Variants in DYRK1A observed in about 807,000 individuals in gnomAD.
DYRK1A encodes dual specificity tyrosine phosphorylation regulated kinase 1A.
In DYRK1A, 9 loss-of-function variants were observed where a neutral mutation model predicts 79.7. The observed-to-expected ratio is 0.11, with a 90% CI of 0.07 to 0.20. The LOEUF (loss-of-function observed/expected upper bound fraction) is 0.20, where lower values mean the gene tolerates loss of function less well. Ranked by LOEUF, DYRK1A falls within the 10% of genes least tolerant of loss-of-function variation. The pLI, the probability that DYRK1A is intolerant of heterozygous loss-of-function variation, is 1.00. For synonymous variants in DYRK1A, 349 were observed against 329.7 expected (o/e 1.06, Z -0.63); for missense variants, 622 against 956.0 (o/e 0.65, Z 4.61).
chr21:37,499,888 CT>C (rs1299470847), intron 9 of DYRK1A, among the ~76,000 whole-genome samples: 1 of 152,144 alleles, frequency 6.6e-6, no homozygotes, highest in Non-Finnish European at 1.5e-5. Context: ...CCCTCTGTAT[CT>C]GAAGGTTCCA....
intron 6 of DYRK1A, among the ~76,000 whole-genome samples, chr21:37,489,357 A>G (rs1158952741): frequency 1.3e-5 from 2 of 152,160 alleles, no homozygotes; most frequent in African/African-American, 4.8e-5. Flanking sequence ...ATGTGACGTC[A>G]GTGTTAATAG....
chr21:37,409,522 TA>T (rs1043996634), intron 1 of DYRK1A, among the ~76,000 whole-genome samples: 3 of 152,228 alleles, frequency 2.0e-5, no homozygotes, highest in African/African-American at 7.2e-5. Context: ...TGTTGGAGTT[TA>T]AAAAATTGGA....
intron 1 of DYRK1A, among the ~76,000 whole-genome samples, chr21:37,379,515 C>T (rs1427643647): frequency 6.6e-6 from 1 of 152,078 alleles, no homozygotes; most frequent in East Asian, 1.9e-4. Flanking sequence ...TACTGAGGAC[C>T]TGAAGGAACT....
intron 3 of DYRK1A, among the ~76,000 whole-genome samples, chr21:37,475,947 T>A (rs1248206305): frequency 6.6e-6 from 1 of 152,212 alleles, no homozygotes; most frequent in Non-Finnish European, 1.5e-5. Flanking sequence ...AGTTTTTTGA[T>A]GTAACTAATT....
intron 11 of DYRK1A, among the ~76,000 whole-genome samples, chr21:37,506,669 G>T (rs538882011): frequency 2.6e-5 from 4 of 152,236 alleles, no homozygotes; most frequent in Admixed American, 2.6e-4. Flanking sequence ...TAGCCTTTTT[G>T]TTGTTGTTTT....
At chr21:37,372,136 A>G (rs1227075632) in intron 1 of DYRK1A, among the ~76,000 whole-genome samples, 1 of 152,026 alleles carries the variant, frequency 6.6e-6, no homozygotes, top group East Asian at 1.9e-4. Context: ...CTTGGCACCC[A>G]TGTATTTGGG....
In DYRK1A at chr21:37,497,803, T is replaced by G. The variant is rs544353127; in HGVS notation, c.1212+1545T>G. Among the ~76,000 whole-genome samples the G allele has an allele frequency of 1.6e-4, 25 of 152,308 alleles. No individual in the cohort carries two copies. The East Asian group carries it at 4.6e-3, about 28-fold the overall frequency. On this transcript the variant is annotated intron_variant, in intron 9 of 11. Coordinates refer to ENST00000647188, the MANE Select transcript of DYRK1A (RefSeq NM_001347721.2). ...GGGGGCATTTCAGAAATGAGTAGAT[T>G]GTCTTTTCCCTTTTAAAATTGGAAG...
chr21:37,472,812 A>G lies in DYRK1A; in HGVS notation c.139A>G (p.Asn47Asp), dbSNP rs1569354907. Residue 47 changes from asparagine (N) to aspartate (D), a missense_variant, in exon 3 of 12, where the codon AAC (asparagine) becomes GAC (aspartate). Around this residue, in one of 5 missense-constraint regions of DYRK1A, gnomAD observed 91 missense variants for 113.8 expected, o/e 0.80. Coordinates refer to ENST00000647188, the MANE Select transcript of DYRK1A (RefSeq NM_001347721.2). ...TCAGTACAGTGACCGTCGCCAGCCA[A>G]ACATAAGTGACCAACAGGTTTCTGC... ...SHQYSDRRQPNISDQQVSALS... is the reference protein window; with the variant it reads ...SHQYSDRRQPDISDQQVSALS... The G allele has an allele frequency of 6.2e-7, 1 of 1,609,828 alleles. No individual in the cohort carries two copies. Among genetic ancestry groups the G allele is most frequent in the South Asian group, 1.1e-5 (1 of 90,688 alleles).
At chr21:37,463,203 C>CGTGTGTGTGTGT (rs6147501) in intron 2 of DYRK1A, among the ~76,000 whole-genome samples, 17,774 of 145,164 alleles carry the variant, frequency 0.12, 1,138 homozygotes, top group Non-Finnish European at 0.13. Flanking sequence ...AATGTTGGCA[C>CGTGTGTGTGTGT]GTGTGTGTGT....
chr21:37,430,000 C>G (rs1317443183), intron 2 of DYRK1A, among the ~76,000 whole-genome samples: 1 of 152,230 alleles, frequency 6.6e-6, no homozygotes, highest in Non-Finnish European at 1.5e-5. Flanking sequence ...AGTGCTACCT[C>G]TTTTCCATCC....
chr21:37,399,366 G>T (rs1415198884), intron 1 of DYRK1A, among the ~76,000 whole-genome samples: 1 of 152,096 alleles, frequency 6.6e-6, no homozygotes, highest in Non-Finnish European at 1.5e-5. Context: ...ATGAAATTGG[G>T]GATAGAGATC....
intron 11 of DYRK1A, among the ~76,000 whole-genome samples, chr21:37,508,284 C>G (rs971083807): frequency 6.6e-6 from 1 of 152,120 alleles, no homozygotes; most frequent in Non-Finnish European, 1.5e-5. Context: ...TGCTATTTTC[C>G]CTACTTTTTT....
intron 3 of DYRK1A, among the ~76,000 whole-genome samples, chr21:37,476,522 C>T (rs567487781): frequency 7.2e-4 from 110 of 152,236 alleles, no homozygotes; most frequent in African/African-American, 2.6e-3. Flanking sequence ...AAGGGGCTTA[C>T]TGAATAAACT....
At chr21:37,451,398 TC>T (rs2051445810) in intron 2 of DYRK1A, among the ~76,000 whole-genome samples, 2 of 73,568 alleles carry the variant, frequency 2.7e-5, no homozygotes, top group Admixed American at 1.8e-4. Flanking sequence ...CATTGCAACT[TC>T]CAGTCCTGCA....
chr21:37,450,238 G>A (rs949128859), intron 2 of DYRK1A, among the ~76,000 whole-genome samples: 5 of 152,118 alleles, frequency 3.3e-5, no homozygotes, highest in African/African-American at 9.7e-5. Flanking sequence ...TGTTAGTTTG[G>A]TTTTTATACT....
intron 1 of DYRK1A, among the ~76,000 whole-genome samples, chr21:37,411,804 A>G (rs562727389): frequency 4.6e-5 from 7 of 152,346 alleles, no homozygotes; most frequent in African/African-American, 1.7e-4. Flanking sequence ...TGAGATAACT[A>G]TTATTTGCAT....
intron 2 of DYRK1A, among the ~76,000 whole-genome samples, chr21:37,436,671 A>G (rs2050933846): frequency 6.6e-6 from 1 of 152,250 alleles, no homozygotes; most frequent in African/African-American, 2.4e-5. Flanking sequence ...GAGCATAGTA[A>G]AATTAGACAA....
intron 3 of DYRK1A, among the ~76,000 whole-genome samples, chr21:37,477,391 G>T (rs1251559096): frequency 6.6e-6 from 1 of 152,200 alleles, no homozygotes; most frequent in Non-Finnish European, 1.5e-5. Context: ...CTGAGGCATG[G>T]CACTTGCTGG....
intron 5 of DYRK1A, 43 bp downstream of exon 5, chr21:37,480,869 C>A: frequency 6.7e-7 from 1 of 1,486,138 alleles, no homozygotes; most frequent in South Asian, 1.3e-5. Context: ...TTAGAAAGAA[C>A]TTCTTAGTGA....
Sources: gnomAD v4.1 joint callset for allele counts (sites outside exome capture counted in the v4.1 genomes callset) on GRCh38, gnomAD v4.1.1 for gene constraint, gnomAD v4.1.1 regional missense constraint, MANE v1.5 for transcripts, NCBI Gene and HGNC (gene_info 2026-07-23, HGNC 2026-07-21) for gene names.